ATG2B: variants seen among roughly 807,000 people sequenced by gnomAD.
ATG2B encodes autophagy related 2B, also known as autophagy-related protein 2 homolog B.
In ATG2B, 121 loss-of-function variants were observed where a neutral mutation model predicts 241.3. The observed-to-expected ratio is 0.50, with a 90% CI of 0.43 to 0.58. The LOEUF is 0.58. ATG2B is among the 20% of genes least tolerant of loss of function. ATG2B has a pLI of 0.00. For synonymous variants in ATG2B, 858 were observed against 876.6 expected (o/e 0.98, Z 0.37); for missense variants, 2,306 against 2,491.6 (o/e 0.93, Z 1.59).
At chr14:96,344,605 T>C (rs769229696) in intron 4 of ATG2B, 49 bp downstream of exon 4, 1 of 999,810 alleles carries the variant, frequency 1.0e-6, no homozygotes, top group South Asian at 1.6e-5. Context: ...GAAAATGTAA[T>C]ATCAGAGTTA....
At chr14:96,341,413 A>T in intron 6 of ATG2B, 109 bp downstream of exon 6, 1 of 815,002 alleles carries the variant, frequency 1.2e-6, no homozygotes. Flanking sequence ...ACAGCAGTAC[A>T]CTAGTTACAG....
At chr14:96,309,188 C>T (rs1887082570) in intron 29 of ATG2B, among the ~76,000 whole-genome samples, 1 of 152,264 alleles carries the variant, frequency 6.6e-6, no homozygotes, top group South Asian at 2.1e-4. Context: ...AGTACTGGCA[C>T]CAGTTTTGTG....
chr14:96,332,500 C>T lies in ATG2B; in HGVS notation c.1362+1G>A. 3.1e-6 allele frequency: 5 copies of T among 1,610,878 alleles called. No homozygotes were observed. The highest frequency in any genetic ancestry group is 4.2e-6 in the Non-Finnish European group (5 of 1,178,610). On this transcript the variant is annotated splice_donor_variant, in intron 9 of 41. Coordinates refer to ENST00000359933, the MANE Select transcript of ATG2B (RefSeq NM_018036.7). LOFTEE classifies it high-confidence loss of function. Reference sequence around the variant, plus strand: ...AGAAGAAAAATTAAGTAATACTTTACCACAGTAGCACTTAATGGAGATCCT... The same window carrying T: ...AGAAGAAAAATTAAGTAATACTTTATCACAGTAGCACTTAATGGAGATCCT...
chr14:96,308,262 A>T (rs1438026915), intron 29 of ATG2B, among the ~76,000 whole-genome samples: 1 of 13,148 alleles, frequency 7.6e-5, no homozygotes, highest in African/African-American at 3.8e-4. Flanking sequence ...ACACACATAT[A>T]TATATATATA....
chr14:96,314,602 CTGTCAT>C (rs1237061065), intron 23 of ATG2B, among the ~76,000 whole-genome samples: 1 of 152,156 alleles, frequency 6.6e-6, no homozygotes, highest in Non-Finnish European at 1.5e-5. Flanking sequence ...TAAGATAACT[CTGTCAT>C]TGAGAGGTTT....
In ATG2B at chr14:96,332,476, G is replaced by A. The variant is rs1887764118; in HGVS notation, c.1362+25C>T. On this transcript the variant is annotated intron_variant, in intron 9 of 41. Transcript: ENST00000359933. The stretch of plus-strand genomic sequence containing the variant: ...ATTTTAGAAGCAACTTTTCAGTCTA[G>A]AAGAAAAATTAAGTAATACTTTACC... 4 of 1,611,266 alleles carry A rather than the reference G, an allele frequency of 2.5e-6. No homozygotes were observed. The Admixed American group carries it at 6.7e-5, about 27-fold the overall frequency.
chr14:96,349,358 A>C (rs766832277), intron 1 of ATG2B, among the ~76,000 whole-genome samples: 12 of 152,232 alleles, frequency 7.9e-5, no homozygotes, highest in Non-Finnish European at 1.8e-4. Context: ...ATGCATGTTA[A>C]AGCGTCTGAA....
chr14:96,336,884 T>C (rs1887881996), intron 6 of ATG2B, among the ~76,000 whole-genome samples: 1 of 152,162 alleles, frequency 6.6e-6, no homozygotes, highest in Non-Finnish European at 1.5e-5. Flanking sequence ...TAAAAGGATT[T>C]TGCACCATCT....
intron 1 of ATG2B, among the ~76,000 whole-genome samples, chr14:96,347,752 C>A (rs1053359191): frequency 1.3e-5 from 2 of 152,142 alleles, no homozygotes; most frequent in Non-Finnish European, 2.9e-5. Flanking sequence ...CACTGACCAT[C>A]GGAGAAACAC....
chr14:96,316,809 T>C (rs1161006636), intron 20 of ATG2B, 126 bp from the exon 21 acceptor site: 4 of 736,174 alleles, frequency 5.4e-6, no homozygotes, highest in Non-Finnish European at 6.6e-6. Flanking sequence ...AGCAGTCTAA[T>C]CCTTGAACTA....
Position 96,345,282 on chromosome 14 carries a change from T to C in ATG2B, c.429A>G (p.Gly143=). Residue 143 remains glycine, a synonymous_variant, in exon 3 of 42, where the codon GGA becomes GGG. Transcript: ENST00000359933. ...TTTCAAGTCCTTCAAAAGGCTGGGA[T>C]CCTTCTCCTTGTTCATCTGTTAGTT... ...SQKLTDEQGE[G]SQPFEGLEKF... 1 of 1,613,544 alleles carries C rather than the reference T, an allele frequency of 6.2e-7. No homozygotes were observed. The highest frequency in any genetic ancestry group is 1.1e-5 in the South Asian group (1 of 91,044).
At chr14:96,316,464 A>G (rs1887315623) in intron 21 of ATG2B, 69 bp downstream of exon 21, 5 of 1,487,876 alleles carry the variant, frequency 3.4e-6, no homozygotes, top group Non-Finnish European at 4.6e-6. Context: ...TTCTCAATAG[A>G]TTTTCTTTGT....
chr14:96,308,284 T>TATATATATATGTATATATATATATA (rs1566720015), intron 29 of ATG2B, among the ~76,000 whole-genome samples: 1 of 43,016 alleles, frequency 2.3e-5, no homozygotes, highest in Non-Finnish European at 4.1e-5. Flanking sequence ...ATATATATAT[T>TATATATATATGTATATATATATATA]TTTTTTTTTT....
intron 41 of ATG2B, among the ~76,000 whole-genome samples, chr14:96,286,673 G>T (rs1886343373): frequency 6.6e-6 from 1 of 152,098 alleles, no homozygotes; most frequent in Non-Finnish European, 1.5e-5. Flanking sequence ...ATACAAACAT[G>T]TAGGTCAAAC....
chr14:96,284,685 G>A lies in ATG2B; in HGVS notation c.*1070C>T, dbSNP rs974403491. ...CCCAATTATCTTGTGGTAAATCACA[G>A]TACTGCATCTATGAATATGCTCTAA... is the stretch of plus-strand genomic sequence containing the variant. On this transcript the variant is annotated 3_prime_UTR_variant, in exon 42 of 42. Coordinates refer to ENST00000359933, the MANE Select transcript of ATG2B (RefSeq NM_018036.7). 1.3e-5 allele frequency: 2 copies of A among 152,192 alleles called. No homozygotes were observed. The highest frequency in any genetic ancestry group is 2.9e-5 in the Non-Finnish European group (2 of 68,048). The allele number at this position is 152,192 out of a possible 1,614,324, so 9.4% of individuals were successfully genotyped here. A position where few individuals can be genotyped will look rare whatever the true frequency, so the allele number is the denominator to read the frequency against.
intron 1 of ATG2B, among the ~76,000 whole-genome samples, chr14:96,356,934 A>T (rs767185522): frequency 1.3e-4 from 20 of 152,296 alleles, no homozygotes; most frequent in Non-Finnish European, 2.4e-4. Flanking sequence ...ATAGAGATGG[A>T]AGGTATTTAA....
Position 96,306,801 on chromosome 14 carries a change from A to G in ATG2B, c.4419T>C (p.Ser1473=). Reference sequence around the variant, plus strand: ...TCATTGCATCACTGATGAAATGGTGAGAGAATGAGGCATAGGTGGGGCCGG... The same window carrying G: ...TCATTGCATCACTGATGAAATGGTGGGAGAATGAGGCATAGGTGGGGCCGG... ...QESGPTYASF[S]HHFISDAMTG... Residue 1473 remains serine, a synonymous_variant, in exon 30 of 42, where the codon TCT becomes TCC. Transcript: ENST00000359933. The G allele has an allele frequency of 6.2e-7, 1 of 1,614,122 alleles. No homozygotes were observed. Among genetic ancestry groups the G allele is most frequent in the Non-Finnish European group, 8.5e-7 (1 of 1,180,020 alleles).
In ATG2B at chr14:96,294,965, A is replaced by T. The variant is rs1886589152; in HGVS notation, c.5421T>A (p.Phe1807Leu). Residue 1807 changes from phenylalanine to leucine, a missense_variant, in exon 36 of 42, where the codon TTT (phenylalanine) becomes TTA (leucine). Physicochemically the swap from Phe to Leu is conservative, Grantham distance 22 (BLOSUM62 0). Coordinates refer to ENST00000359933, the MANE Select transcript of ATG2B (RefSeq NM_018036.7). ...ATTAAAACTAAATTAGTTACCTAAA[A>T]AACACAGGCTGATCCCTAAAAGATG... ...EEASFRDQPV[F>L]FREFRFTSEV... is the part of the protein sequence containing the mutation. The T allele has an allele frequency of 6.2e-7, 1 of 1,613,170 alleles. No homozygotes were observed. Among genetic ancestry groups the T allele is most frequent in the Admixed American group, 1.7e-5 (1 of 59,832 alleles).
Position 96,331,591 on chromosome 14 carries a change from A to T in ATG2B, c.1515T>A (p.Leu505=). ...AAGTTCCCACAGCTAGTCTAAAAAT[A>T]AGTTCAGGCCTTGATTCATCCACTG... ...SVSVDESRPE[L]IFRLAVGTFS... The change falls in exon 11 of 42, where the codon CTT becomes CTA. Residue 505 remains leucine (L), a synonymous_variant. Transcript: ENST00000359933. 1 of 1,614,008 alleles carries T rather than the reference A, an allele frequency of 6.2e-7. No individual in the cohort carries two copies.
Sources: allele counts gnomAD v4.1 joint callset (sites outside exome capture counted in the v4.1 genomes callset), GRCh38; gene constraint gnomAD v4.1.1; transcripts MANE v1.5; gene names NCBI Gene and HGNC (gene_info 2026-07-23, HGNC 2026-07-21).